The following GRIK5 variants were observed in gnomAD, a reference collection of about 807,000 sequenced individuals.
GRIK5 encodes the protein glutamate ionotropic receptor kainate type subunit 5.
GRIK5 carries 43 observed loss-of-function variants against 97.4 expected under a neutral mutation model. The observed-to-expected ratio is 0.44, with a 90% confidence interval of 0.35 to 0.57. The LOEUF (loss-of-function observed/expected upper bound fraction) is 0.57. Among genes scored for constraint, GRIK5 ranks in the 20% least tolerant of loss-of-function variants. The pLI is 0.01. For missense variants in GRIK5, 1,015 were observed against 1,382.0 expected, an observed-to-expected ratio of 0.73 and a Z score of 4.21; for synonymous variants, 580 against 583.5, an observed-to-expected ratio of 0.99 and a Z score of 0.09.
chr19:41,998,992 GC>G lies in GRIK5; in HGVS notation c.2821del (p.Ala941ArgfsTer?). 2 of 1,212,596 alleles carry G rather than the reference GC, an allele frequency of 1.6e-6. No individual in the cohort carries two copies. The highest frequency in any genetic ancestry group is 5.3e-5 in the South Asian group (2 of 37,884). 75.1% of individuals were successfully genotyped at this position (1,212,596 alleles called of 1,614,324 possible). A position where few individuals can be genotyped will look rare whatever the true frequency, so the allele number is the denominator to read the frequency against. On this transcript the variant is annotated frameshift_variant, in exon 20 of 20. Transcript: ENST00000593562. LOFTEE classifies it low-confidence loss of function (END_TRUNC). ...RVCQECRRIQ[A>X]LRASGAGAPP... The stretch of plus-strand genomic sequence containing the variant: ...CGCGCCGGCCCCCGAGGCCCGCAGC[GC>G]CTGGATGCGCCGGCACTCCTGGCAG...
intron 12 of GRIK5, among the ~76,000 whole-genome samples, chr19:42,025,984 C>T (rs922522814): frequency 1.3e-5 from 2 of 152,094 alleles, no homozygotes; most frequent in African/African-American, 4.8e-5. Flanking sequence ...TGCAATGACT[C>T]TGCTTGTTTG....
In GRIK5 at chr19:42,030,650, G is replaced by A. The variant is rs374302527; in HGVS notation, c.1474-8296C>T. ...TTTTTTTTTTTTAATGTTTAGTAGA[G>A]ACAAGGTCCTGCTATGTTGCTGAGG... On this transcript the variant is annotated intron_variant, in intron 12 of 19. Transcript: ENST00000593562. 4.7e-4 allele frequency among the ~76,000 whole-genome samples: 72 copies of A among 151,612 alleles called. 2 individuals are homozygous for A. The highest frequency in any genetic ancestry group is 1.7e-3 in the African/African-American group (70 of 41,282).
rs899226727 is a variant in GRIK5, at chr19:42,070,100, G to T, written c.-910C>A. Among the ~76,000 whole-genome samples the T allele has an allele frequency of 4.6e-5, 7 of 152,016 alleles. No individual in the cohort carries two copies. Among genetic ancestry groups the T allele is most frequent in the African/African-American group, 1.2e-4 (5 of 41,520 alleles). On this transcript the variant is annotated 5_prime_UTR_variant, in exon 1 of 20. Coordinates refer to ENST00000593562, the MANE Select transcript of GRIK5 (RefSeq NM_002088.5). Reference sequence around the variant, plus strand: ...GCTCCAGTCCCCGGCTCCAGTCCCCGGCTGGGCCTGCCTCCCTGCCGCTGG... The same window carrying T: ...GCTCCAGTCCCCGGCTCCAGTCCCCTGCTGGGCCTGCCTCCCTGCCGCTGG...
chr19:42,069,745 C>T lies in GRIK5; in HGVS notation c.-555G>A, dbSNP rs1382066915. ...GGGAGGGCCTGCTGGGGGAGGGGGC[C>T]GCCCCCTTTCCCCCTCCCCCCTGGA... is the stretch of plus-strand genomic sequence containing the variant. On this transcript the variant is annotated 5_prime_UTR_variant, in exon 1 of 20. Coordinates refer to ENST00000593562, the MANE Select transcript of GRIK5 (RefSeq NM_002088.5). 2.7e-5 allele frequency among the ~76,000 whole-genome samples: 4 copies of T among 150,916 alleles called. No homozygotes were observed. The highest frequency in any genetic ancestry group is 5.9e-5 in the Non-Finnish European group (4 of 67,606).
intron 15 of GRIK5, among the ~76,000 whole-genome samples, chr19:42,012,498 G>A (rs770425914): frequency 6.6e-6 from 1 of 152,084 alleles, no homozygotes; most frequent in Non-Finnish European, 1.5e-5. Flanking sequence ...CAATCCGCCC[G>A]CATCGGCCTC....
chr19:42,047,972 CAAAAAAAA>C (rs552963887), intron 11 of GRIK5, among the ~76,000 whole-genome samples: 2 of 54,952 alleles, frequency 3.6e-5, no homozygotes, highest in Non-Finnish European at 7.0e-5. Flanking sequence ...GACTCTGTCT[CAAAAAAAA>C]AAAAAAAAAA....
chr19:42,051,309 C>T (rs2076113605), intron 11 of GRIK5, among the ~76,000 whole-genome samples: 1 of 152,146 alleles, frequency 6.6e-6, no homozygotes, highest in Non-Finnish European at 1.5e-5. Context: ...TGTCTCAGCA[C>T]AAGATCCCTG....
chr19:42,062,993 C>G lies in GRIK5; in HGVS notation c.245-138G>C, dbSNP rs2076281291. 1 of 658,730 alleles carries G rather than the reference C, an allele frequency of 1.5e-6. No homozygotes were observed. Among genetic ancestry groups the G allele is most frequent in the African/African-American group, 1.8e-5 (1 of 55,754 alleles). The allele number at this position is 658,730 out of a possible 1,614,324, so 40.8% of individuals were successfully genotyped here. A position where few individuals can be genotyped will look rare whatever the true frequency, so the allele number is the denominator to read the frequency against. Reference sequence around the variant, plus strand: ...TGATCCTCTTCTGCCATCCGGGACCCAGAAGGCCAGTCTCTGACCCCACCC... The same window carrying G: ...TGATCCTCTTCTGCCATCCGGGACCGAGAAGGCCAGTCTCTGACCCCACCC... On this transcript the variant is annotated intron_variant, in intron 3 of 19. Coordinates refer to ENST00000593562, the MANE Select transcript of GRIK5 (RefSeq NM_002088.5). The surrounding 1 kb of genome is among the most constrained non-coding windows in gnomAD (Gnocchi z 5.3).
At chr19:42,018,968 T>C (rs2075664565) in intron 15 of GRIK5, among the ~76,000 whole-genome samples, 1 of 152,128 alleles carries the variant, frequency 6.6e-6, no homozygotes, top group Non-Finnish European at 1.5e-5. Flanking sequence ...ATCTGCTGAA[T>C]GAGTGAATGT....
intron 12 of GRIK5, among the ~76,000 whole-genome samples, chr19:42,035,179 C>A (rs1264092563): frequency 6.6e-6 from 1 of 151,826 alleles, no homozygotes; most frequent in Non-Finnish European, 1.5e-5. Flanking sequence ...TGGGGTTTCT[C>A]CATGTTGGTC....
chr19:42,068,717 G>A (rs776739896), intron 1 of GRIK5: 11 of 491,556 alleles, frequency 2.2e-5, no homozygotes, highest in Admixed American at 3.7e-5. Flanking sequence ...GAGACATGCC[G>A]AGAGCAACCT....
intron 6 of GRIK5, among the ~76,000 whole-genome samples, chr19:42,057,398 A>C (rs867725683): frequency 6.6e-6 from 1 of 151,112 alleles, no homozygotes; most frequent in Admixed American, 6.6e-5. Context: ...TAAAGACAAG[A>C]TCTTGCTCTG....
intron 12 of GRIK5, among the ~76,000 whole-genome samples, chr19:42,037,824 C>A (rs887447071): frequency 6.6e-6 from 1 of 152,230 alleles, no homozygotes; most frequent in African/African-American, 2.4e-5. Context: ...AGGCCTGGCA[C>A]CCTTACCACA....
intron 15 of GRIK5, among the ~76,000 whole-genome samples, chr19:42,018,464 T>C (rs528981541): frequency 6.6e-6 from 1 of 151,072 alleles, no homozygotes; most frequent in Admixed American, 6.6e-5. Context: ...TTAGAGATCA[T>C]CCTGGCCAAC....
chr19:42,065,816 G>C lies in GRIK5; in HGVS notation c.-46C>G. 6.8e-7 allele frequency: 1 copy of C among 1,460,966 alleles called. No individual in the cohort carries two copies. Among genetic ancestry groups the C allele is most frequent in the Non-Finnish European group, 9.3e-7 (1 of 1,073,584 alleles). The allele number at this position is 1,460,966 out of a possible 1,614,324, so 90.5% of individuals were successfully genotyped here. ...GACGCAGCTGCCGCGGCCCCCACTC[G>C]CCACCTGCAGGGAGACCCCCCAGAC... is the stretch of plus-strand genomic sequence containing the variant. On this transcript the variant is annotated 5_prime_UTR_variant, in exon 2 of 20. Transcript: ENST00000593562. The surrounding 1 kb of genome is among the most constrained non-coding windows in gnomAD (Gnocchi z 5.8).
At position 42,042,781 on chromosome 19, in the gene GRIK5, T is replaced by A; in HGVS notation, c.1270-26A>T. The A allele has an allele frequency of 6.3e-7, 1 of 1,590,154 alleles. No homozygotes were observed. The highest frequency in any genetic ancestry group is 1.1e-5 in the South Asian group (1 of 89,590). ...CTGGGTGGGCAGAAGAAAGCAGGGGTCAGAGGCTGGGTGTCTAGTGGCTGG... is the reference window on the plus strand; with the variant it reads ...CTGGGTGGGCAGAAGAAAGCAGGGGACAGAGGCTGGGTGTCTAGTGGCTGG... On this transcript the variant is annotated intron_variant, in intron 11 of 19. Transcript: ENST00000593562. This position sits in a 1 kb window ranked among gnomAD's most constrained non-coding sequence, Gnocchi z 6.9.
At chr19:42,000,977 G>A (rs891493682) in intron 19 of GRIK5, among the ~76,000 whole-genome samples, 1 of 152,098 alleles carries the variant, frequency 6.6e-6, no homozygotes, top group East Asian at 1.9e-4. Context: ...CCCAGAACTA[G>A]CCAAGCCTTA....
chr19:42,002,064 G>A lies in GRIK5; in HGVS notation c.2514+1268C>T, dbSNP rs1438698159. 4 of 680,080 alleles carry A rather than the reference G, an allele frequency of 5.9e-6. No homozygotes were observed. Among genetic ancestry groups the A allele is most frequent in the Non-Finnish European group, 1.1e-5 (4 of 366,648 alleles). 42.1% of individuals were successfully genotyped at this position (680,080 alleles called of 1,614,324 possible). ...CTTTGAGGATTGAGAGTGACTGGCT[G>A]TGCCGAAGCCCACTGCTACCTCATA... On this transcript the variant is annotated intron_variant, in intron 19 of 19. Transcript: ENST00000593562. This position sits in a 1 kb window ranked among gnomAD's most constrained non-coding sequence, Gnocchi z 5.2.
At position 41,998,872 on chromosome 19, in the gene GRIK5, C is replaced by A; in HGVS notation, c.2942G>T (p.Ter981LeuextTer11). Residue 981 changes from the stop codon to leucine, a stop_lost, in exon 20 of 20, where the codon TGA becomes TTA. Transcript: ENST00000593562. ...GCGCCCGCACAGCCCCGCCCGTGGT[C>A]ACTCGTGCTCCGCCAGCTCCCGGGG... Reference protein sequence around the residue: ...AGPRELAEHE* With the variant: ...AGPRELAEHEL The A allele has an allele frequency of 8.9e-7, 1 of 1,118,018 alleles. No individual in the cohort carries two copies. The highest frequency in any genetic ancestry group is 4.3e-5 in the South Asian group (1 of 23,088). 69.3% of individuals were successfully genotyped at this position (1,118,018 alleles called of 1,614,324 possible). A position where few individuals can be genotyped will look rare whatever the true frequency, so the allele number is the denominator to read the frequency against.
Sources: gnomAD v4.1 joint callset for allele counts (sites outside exome capture counted in the v4.1 genomes callset) on GRCh38, gnomAD v4.1.1 for gene constraint, Gnocchi (gnomAD v3.1) non-coding constraint, MANE v1.5 for transcripts, NCBI Gene and HGNC (gene_info 2026-07-23, HGNC 2026-07-21) for gene names.